The following MYO5A variants were observed in gnomAD, a reference collection of about 807,000 sequenced individuals.
MYO5A encodes the protein myosin VA.
Under a neutral mutation model 249.7 loss-of-function variants are expected in MYO5A, and 98 were observed. The ratio of observed to expected loss-of-function variants is 0.39; its 90% CI spans 0.33 to 0.46. The LOEUF (loss-of-function observed/expected upper bound fraction) is 0.46, where lower values mean the gene tolerates loss of function less well. Ranked by LOEUF, MYO5A falls within the 20% of genes least tolerant of loss-of-function variation. MYO5A has a pLI of 0.98. For missense variants in MYO5A, 1,696 were observed against 2,308.8 expected, an observed-to-expected ratio of 0.73 and a Z score of 5.44; for synonymous variants, 778 against 810.6, an observed-to-expected ratio of 0.96 and a Z score of 0.68.
intron 1 of MYO5A, among the ~76,000 whole-genome samples, chr15:52,468,801 G>A (rs575062812): frequency 2.0e-5 from 3 of 152,312 alleles, no homozygotes; most frequent in African/African-American, 7.2e-5. Flanking sequence ...GGAATCAACA[G>A]GCACAACCTT....
At chr15:52,410,851 C>A (rs1010756020) in intron 5 of MYO5A, among the ~76,000 whole-genome samples, 1 of 152,206 alleles carries the variant, frequency 6.6e-6, no homozygotes, top group Non-Finnish European at 1.5e-5. Flanking sequence ...GCTGGGATTA[C>A]AGGCGTGAGC....
intron 1 of MYO5A, among the ~76,000 whole-genome samples, chr15:52,480,966 T>C (rs1348683760): frequency 6.6e-6 from 1 of 152,226 alleles, no homozygotes; most frequent in African/African-American, 2.4e-5. Context: ...GCTGGATTCA[T>C]GGTTGGGTTC....
rs2041882582 is a variant in MYO5A, at chr15:52,384,212, T to A, written c.1863A>T (p.Lys621Asn). 3 of 1,614,040 alleles carry A rather than the reference T, an allele frequency of 1.9e-6. No individual in the cohort carries two copies. Among genetic ancestry groups the A allele is most frequent in the Non-Finnish European group, 1.7e-6 (2 of 1,180,022 alleles). ...CTTTGGCCATTTGGCCTGGTCTGCC[T>A]TTGGTGGGCTTTGCAGGAGTTCGTG... Reference protein sequence around the residue: ...PLTRTPAKPTKGRPGQMAKEH... With the variant: ...PLTRTPAKPTNGRPGQMAKEH... Residue 621 changes from lysine (K) to asparagine (N), a missense_variant, in exon 15 of 42, where the codon AAA (lysine) becomes AAT (asparagine). Lys to Asn is a moderately conservative substitution (Grantham distance 94). This residue lies in a region of MYO5A where 277 missense variants were observed against 422.4 expected (regional missense o/e 0.66). Coordinates refer to ENST00000399233, the MANE Select transcript of MYO5A (RefSeq NM_001382347.1).
chr15:52,360,247 C>T lies in MYO5A; in HGVS notation c.3310-166G>A, dbSNP rs541735639. On this transcript the variant is annotated intron_variant, in intron 24 of 41. Transcript: ENST00000399233. Reference sequence around the variant, plus strand: ...GACCAAATAATTACAAAAAGGTCACCGCTTCAAAGAAAAAGGTACACTGGC... The same window carrying T: ...GACCAAATAATTACAAAAAGGTCACTGCTTCAAAGAAAAAGGTACACTGGC... Among the ~76,000 whole-genome samples, 4 of 152,222 alleles carry T rather than the reference C, an allele frequency of 2.6e-5. No individual in the cohort carries two copies. In the South Asian group the frequency reaches 6.2e-4, roughly 24 times the overall value.
intron 1 of MYO5A, among the ~76,000 whole-genome samples, chr15:52,458,108 A>G (rs56066720): frequency 0.15 from 22,875 of 152,214 alleles, 1,833 homozygotes; most frequent in Middle Eastern, 0.22. Flanking sequence ...AGAAGGGTGT[A>G]TGTGGCAGTA....
chr15:52,518,546 C>T (rs1209655543), intron 1 of MYO5A, among the ~76,000 whole-genome samples: 2 of 152,180 alleles, frequency 1.3e-5, no homozygotes, highest in African/African-American at 4.8e-5. Flanking sequence ...GCTCCCAACC[C>T]AACCATGCTG....
chr15:52,496,022 G>A (rs1416574758), intron 1 of MYO5A, among the ~76,000 whole-genome samples: 4 of 151,556 alleles, frequency 2.6e-5, no homozygotes, highest in Non-Finnish European at 5.9e-5. Flanking sequence ...CATGGCACAT[G>A]TGTAACAAAC....
At chr15:52,343,559 G>A (rs2039476102) in intron 30 of MYO5A, among the ~76,000 whole-genome samples, 1 of 152,082 alleles carries the variant, frequency 6.6e-6, no homozygotes, top group South Asian at 2.1e-4. Context: ...GACACATATA[G>A]AACAAAAACT....
intron 1 of MYO5A, among the ~76,000 whole-genome samples, chr15:52,480,064 A>T (rs1325508693): frequency 3.9e-5 from 6 of 152,178 alleles, no homozygotes; most frequent in Admixed American, 3.9e-4. Context: ...CAAACCCTAC[A>T]TCCCCACCTA....
rs1329629274 is a variant in MYO5A, at chr15:52,528,774, C to A, written c.27+6G>T. 1.3e-6 allele frequency: 2 copies of A among 1,507,376 alleles called. No individual in the cohort carries two copies. Among genetic ancestry groups the A allele is most frequent in the Non-Finnish European group, 1.8e-6 (2 of 1,134,920 alleles). 93.4% of individuals were successfully genotyped at this position (1,507,376 alleles called of 1,614,324 possible). The stretch of plus-strand genomic sequence containing the variant: ...AGTCCTCGACGCCGGCCGCGGGGTG[C>A]CTTACCTTTGTGTAGAGCTCCGACG... On this transcript the variant is annotated splice_donor_region_variant and intron_variant, in intron 1 of 41. Transcript: ENST00000399233.
At chr15:52,405,973 G>A (rs959406021) in intron 8 of MYO5A, among the ~76,000 whole-genome samples, 6 of 152,132 alleles carry the variant, frequency 3.9e-5, no homozygotes, top group African/African-American at 7.2e-5. Flanking sequence ...TCAAAGAGAC[G>A]CCAAGATTAG....
At chr15:52,398,999 A>AT (rs1036792875) in intron 9 of MYO5A, among the ~76,000 whole-genome samples, 2 of 142,224 alleles carry the variant, frequency 1.4e-5, no homozygotes, top group African/African-American at 5.4e-5. Flanking sequence ...AAAAAAAAAA[A>AT]TTTTTTTCTT....
chr15:52,368,138 T>C (rs1423977885), intron 22 of MYO5A, among the ~76,000 whole-genome samples: 1 of 152,156 alleles, frequency 6.6e-6, no homozygotes, highest in East Asian at 1.9e-4. Flanking sequence ...CAGGCAAATC[T>C]CTTGTCATGT....
At chr15:52,332,186 A>T (rs910921755) in intron 34 of MYO5A, among the ~76,000 whole-genome samples, 5 of 152,242 alleles carry the variant, frequency 3.3e-5, no homozygotes, top group Non-Finnish European at 7.3e-5. Flanking sequence ...AAACAAGTTC[A>T]ACATACTAGG....
intron 1 of MYO5A, among the ~76,000 whole-genome samples, chr15:52,495,019 C>G (rs141152315): frequency 2.8e-4 from 42 of 152,238 alleles, no homozygotes; most frequent in African/African-American, 9.6e-4. Context: ...AGCTAGCATT[C>G]ATTCTTGAGA....
At chr15:52,504,940 A>G (rs2077237160) in intron 1 of MYO5A, among the ~76,000 whole-genome samples, 1 of 151,900 alleles carries the variant, frequency 6.6e-6, no homozygotes, top group Non-Finnish European at 1.5e-5. Flanking sequence ...AACTCTTAGG[A>G]GTTTGTATCC....
intron 37 of MYO5A, 140 bp downstream of exon 37, chr15:52,323,215 C>G (rs2038417703): frequency 1.4e-6 from 1 of 691,730 alleles, no homozygotes; most frequent in Non-Finnish European, 2.6e-6. Context: ...TAGTGAACAT[C>G]AAACAAAGCA....
intron 34 of MYO5A, chr15:52,331,681 C>T: frequency 1.0e-6 from 1 of 985,430 alleles, no homozygotes; most frequent in Non-Finnish European, 1.2e-6. Flanking sequence ...AAGAGGTTAT[C>T]ACAGAGAACA....
At chr15:52,485,690 A>G (rs142704661) in intron 1 of MYO5A, among the ~76,000 whole-genome samples, 3,495 of 152,352 alleles carry the variant, frequency 0.023, 73 homozygotes, top group Non-Finnish European at 0.035. Context: ...TGGGTTTTAC[A>G]TAGACTGTTA....
Sources: allele counts gnomAD v4.1 joint callset (sites outside exome capture counted in the v4.1 genomes callset), GRCh38; gene constraint gnomAD v4.1.1; regional missense constraint gnomAD v4.1.1; transcripts MANE v1.5; gene names NCBI Gene and HGNC (gene_info 2026-07-23, HGNC 2026-07-21).